Variants in TENM2 observed in about 807,000 individuals in gnomAD.
TENM2 encodes the protein teneurin transmembrane protein 2, also known as teneurin-2.
TENM2 carries 52 observed loss-of-function variants against 245.2 expected under a neutral mutation model. That is an observed-to-expected ratio of 0.21 (90% CI 0.17 to 0.27). The LOEUF is 0.27. TENM2 is among the 10% of genes least tolerant of loss of function. The probability of loss-of-function intolerance (pLI) is 1.00; values close to 1 mark genes in which losing one functional copy is unlikely to be tolerated. For missense variants in TENM2, 3,046 were observed against 3,666.8 expected, an observed-to-expected ratio of 0.83 and a Z score of 4.37; for synonymous variants, 1,363 against 1,438.9, an observed-to-expected ratio of 0.95 and a Z score of 1.19.
intron 2 of TENM2, among the ~76,000 whole-genome samples, chr5:167,726,136 C>CAT (rs3056443): frequency 0.16 from 24,533 of 152,134 alleles, 2,452 homozygotes; most frequent in East Asian, 0.42. Context: ...CGCTGCACGG[C>CAT]ATAGAGCAAG....
intron 3 of TENM2, among the ~76,000 whole-genome samples, chr5:167,935,828 T>A (rs2151734436): frequency 6.6e-6 from 1 of 152,216 alleles, no homozygotes. Flanking sequence ...CCTAAAGGTG[T>A]TTTTCCAATA....
chr5:167,053,244 G>A, the TENM2 span, among the ~76,000 whole-genome samples: 1 of 152,008 alleles, frequency 6.6e-6, no homozygotes, highest in African/African-American at 2.4e-5. Context: ...CTTATTACAT[G>A]GAGACTTACA....
chr5:167,824,031 G>A (rs774209677), intron 2 of TENM2, among the ~76,000 whole-genome samples: 3 of 152,222 alleles, frequency 2.0e-5, no homozygotes, highest in Non-Finnish European at 4.4e-5. Context: ...TGGCTCCCCT[G>A]CCTTCTCCCC....
chr5:167,785,342 T>C (rs1764500665), intron 2 of TENM2, among the ~76,000 whole-genome samples: 1 of 152,210 alleles, frequency 6.6e-6, no homozygotes, highest in African/African-American at 2.4e-5. Flanking sequence ...GGGAAGCTGT[T>C]TTAAGGAAGT....
intron 13 of TENM2, among the ~76,000 whole-genome samples, chr5:168,173,414 A>T (rs1406928748): frequency 1.3e-5 from 2 of 152,092 alleles, no homozygotes; most frequent in Non-Finnish European, 1.5e-5. Context: ...TGGAGCCAAG[A>T]TCTATTTCAG....
chr5:168,116,225 GTTCGTCTAAATTCAATA>G (rs1245389875), intron 9 of TENM2, among the ~76,000 whole-genome samples: 2 of 152,086 alleles, frequency 1.3e-5, no homozygotes, highest in African/African-American at 4.8e-5. Flanking sequence ...CATTTAGACA[GTTCGTCTAAATTCAATA>G]TGCGGCTTTG....
intron 27 of TENM2, among the ~76,000 whole-genome samples, chr5:168,258,101 G>T (rs909185653): frequency 1.9e-4 from 29 of 152,164 alleles, no homozygotes; most frequent in Non-Finnish European, 3.8e-4. Context: ...TTAGCTGCAT[G>T]ACCCGGCAAT....
intron 15 of TENM2, among the ~76,000 whole-genome samples, chr5:168,197,429 A>G (rs1197052472): frequency 6.6e-6 from 1 of 152,162 alleles, no homozygotes; most frequent in Non-Finnish European, 1.5e-5. Flanking sequence ...GGCCAGGTGC[A>G]GTGGCTCACA....
intron 2 of TENM2, among the ~76,000 whole-genome samples, chr5:167,583,004 C>T (rs1036924022): frequency 2.6e-5 from 4 of 152,010 alleles, no homozygotes; most frequent in Non-Finnish European, 5.9e-5. Context: ...GTTGACAGTC[C>T]AGCACTTGCT....
At chr5:167,056,410 G>C in the TENM2 span, among the ~76,000 whole-genome samples, 1 of 147,720 alleles carries the variant, frequency 6.8e-6, no homozygotes, top group Non-Finnish European at 1.5e-5. Flanking sequence ...CATGGGTTTT[G>C]GGGGCAAAGT....
chr5:167,515,243 A>C (rs1770246167), intron 2 of TENM2, among the ~76,000 whole-genome samples: 2 of 152,166 alleles, frequency 1.3e-5, no homozygotes, highest in Non-Finnish European at 2.9e-5. Flanking sequence ...TTCAGACTAC[A>C]TAGACATAAA....
At chr5:167,579,728 G>T (rs574189443) in intron 2 of TENM2, among the ~76,000 whole-genome samples, 1 of 152,082 alleles carries the variant, frequency 6.6e-6, no homozygotes, top group East Asian at 1.9e-4. Flanking sequence ...TTCCTATTCC[G>T]AGCCTGATGG....
intron 2 of TENM2, among the ~76,000 whole-genome samples, chr5:167,482,520 G>T (rs756440418): frequency 3.4e-4 from 52 of 152,060 alleles, no homozygotes; most frequent in Non-Finnish European, 5.7e-4. Context: ...CTTTTAAATG[G>T]TAGATTACTT....
chr5:167,256,055 G>A, the TENM2 span, among the ~76,000 whole-genome samples: 2 of 152,094 alleles, frequency 1.3e-5, no homozygotes, highest in Admixed American at 6.6e-5. Context: ...CTTTATTCCC[G>A]TTCATTATGC....
intron 2 of TENM2, among the ~76,000 whole-genome samples, chr5:167,625,449 T>C (rs976178359): frequency 6.6e-6 from 1 of 152,224 alleles, no homozygotes; most frequent in African/African-American, 2.4e-5. Flanking sequence ...CCATTACTTA[T>C]CAAGATTTTT....
chr5:167,482,069 C>CA (rs1767789681), intron 2 of TENM2, among the ~76,000 whole-genome samples: 1 of 152,040 alleles, frequency 6.6e-6, no homozygotes, highest in South Asian at 2.1e-4. Flanking sequence ...AGTTATCTTT[C>CA]AAAAATGTAA....
intron 10 of TENM2, among the ~76,000 whole-genome samples, chr5:168,120,005 A>G (rs1348471592): frequency 6.6e-6 from 1 of 152,188 alleles, no homozygotes; most frequent in East Asian, 1.9e-4. Context: ...AGTTCTATAC[A>G]AAATAACCAA....
intron 2 of TENM2, among the ~76,000 whole-genome samples, chr5:167,825,373 G>A (rs1767884033): frequency 6.6e-6 from 1 of 152,054 alleles, no homozygotes; most frequent in African/African-American, 2.4e-5. Flanking sequence ...ATATGGTGAT[G>A]GCAGAGCTGT....
intron 12 of TENM2, among the ~76,000 whole-genome samples, chr5:168,148,799 C>A (rs1053039131): frequency 2.6e-5 from 4 of 151,672 alleles, no homozygotes; most frequent in African/African-American, 9.7e-5. Flanking sequence ...GTTTTGTGAC[C>A]GCATCTTCAC....
Sources: gnomAD v4.1 joint callset for allele counts (sites outside exome capture counted in the v4.1 genomes callset) on GRCh38, gnomAD v4.1.1 for gene constraint, MANE v1.5 for transcripts, NCBI Gene and HGNC (gene_info 2026-07-23, HGNC 2026-07-21) for gene names.